Variants in NCKAP5 observed in about 807,000 individuals in gnomAD.
NCKAP5 encodes the protein NCK associated protein 5, also known as nck-associated protein 5.
Under a neutral mutation model 167.0 loss-of-function variants are expected in NCKAP5, and 92 were observed. The observed-to-expected ratio is 0.55, with a 90% CI of 0.47 to 0.66. The LOEUF is 0.66. Among genes scored for constraint, NCKAP5 ranks in the 30% least tolerant of loss-of-function variants. The probability of loss-of-function intolerance (pLI) is 0.00; values close to 1 mark genes in which losing one functional copy is unlikely to be tolerated. For missense variants in NCKAP5, 2,378 were observed against 2,315.0 expected (o/e 1.03, Z -0.56); for synonymous variants, 891 against 877.4 (o/e 1.02, Z -0.27).
At chr2:133,393,508 A>T (rs1687551126) in intron 3 of NCKAP5, among the ~76,000 whole-genome samples, 2 of 152,244 alleles carry the variant, frequency 1.3e-5, no homozygotes, top group Non-Finnish European at 2.9e-5. Context: ...AAAAGCAAGC[A>T]TGTTTCAACT....
chr2:132,969,836 T>C (rs1573588169), intron 7 of NCKAP5, among the ~76,000 whole-genome samples: 1 of 152,350 alleles, frequency 6.6e-6, no homozygotes, highest in East Asian at 1.9e-4. Context: ...AAGGCATACT[T>C]GCCTGTGCTC....
chr2:133,351,901 T>C (rs560002772), intron 3 of NCKAP5, among the ~76,000 whole-genome samples: 19 of 152,300 alleles, frequency 1.2e-4, no homozygotes, highest in African/African-American at 4.3e-4. Flanking sequence ...GCCTCTCTTC[T>C]CTAGCCTTTG....
At chr2:133,539,569 A>C (rs539668136) in intron 2 of NCKAP5, among the ~76,000 whole-genome samples, 1 of 152,328 alleles carries the variant, frequency 6.6e-6, no homozygotes, top group East Asian at 1.9e-4. Context: ...ATACAAGAAC[A>C]GGCAAATAAG....
chr2:132,878,734 AG>A, intron 9 of NCKAP5, 113 bp downstream of exon 9: 1 of 797,278 alleles, frequency 1.3e-6, no homozygotes, highest in South Asian at 1.5e-5. Context: ...ATTTCTTTGG[AG>A]GAGAAAATGC....
At chr2:133,659,500 G>T in the NCKAP5 span, among the ~76,000 whole-genome samples, 1 of 152,032 alleles carries the variant, frequency 6.6e-6, no homozygotes, top group Non-Finnish European at 1.5e-5. Flanking sequence ...AGAGAAATTG[G>T]ACTTAATTAA....
chr2:133,178,845 A>C (rs1172405904), intron 5 of NCKAP5, among the ~76,000 whole-genome samples: 6 of 151,038 alleles, frequency 4.0e-5, no homozygotes, highest in Admixed American at 6.6e-5. Context: ...AAAAAAAAAA[A>C]AAAAAAAACC....
chr2:133,120,121 C>T (rs2082205201), intron 6 of NCKAP5, among the ~76,000 whole-genome samples: 1 of 152,178 alleles, frequency 6.6e-6, no homozygotes, highest in Non-Finnish European at 1.5e-5. Flanking sequence ...TCAGTTGTTA[C>T]TCCTGCAAAT....
intron 3 of NCKAP5, among the ~76,000 whole-genome samples, chr2:133,498,464 A>AAGGAAGGT (rs1559528936): frequency 2.2e-5 from 3 of 139,132 alleles, no homozygotes; most frequent in Non-Finnish European, 4.6e-5. Context: ...GGAAGGAAGG[A>AAGGAAGGT]AGGAAGGAAG....
chr2:133,459,684 A>G (rs1204969391), intron 3 of NCKAP5, among the ~76,000 whole-genome samples: 2 of 152,166 alleles, frequency 1.3e-5, no homozygotes, highest in Admixed American at 1.3e-4. Flanking sequence ...TGTTGACCTG[A>G]TAAAGGCCTA....
intron 4 of NCKAP5, among the ~76,000 whole-genome samples, chr2:133,246,905 G>A (rs1418462435): frequency 6.6e-6 from 1 of 152,096 alleles, no homozygotes; most frequent in African/African-American, 2.4e-5. Context: ...TTCAGCCTTA[G>A]GATTATTTAC....
At chr2:132,790,776 G>T (rs935735050) in intron 12 of NCKAP5, among the ~76,000 whole-genome samples, 12 of 152,224 alleles carry the variant, frequency 7.9e-5, no homozygotes, top group Admixed American at 4.6e-4. Context: ...ATCTTATAGG[G>T]TTATTGCAAG....
intron 3 of NCKAP5, among the ~76,000 whole-genome samples, chr2:133,440,506 C>G (rs1490347748): frequency 6.6e-6 from 1 of 151,710 alleles, no homozygotes; most frequent in Admixed American, 6.6e-5. Context: ...GTCAGGAGAT[C>G]GAGACCATCC....
chr2:133,330,740 A>T (rs1008150873), intron 3 of NCKAP5, among the ~76,000 whole-genome samples: 5 of 151,974 alleles, frequency 3.3e-5, no homozygotes, highest in African/African-American at 9.7e-5. Context: ...AACTAAAATT[A>T]AAAAAATTAG....
intron 6 of NCKAP5, among the ~76,000 whole-genome samples, chr2:133,071,880 T>A (rs2080418882): frequency 6.6e-6 from 1 of 152,176 alleles, no homozygotes. Flanking sequence ...CCAACCTACC[T>A]GTTTCAGATC....
intron 11 of NCKAP5, among the ~76,000 whole-genome samples, chr2:132,846,109 T>A (rs1485647605): frequency 6.6e-6 from 1 of 152,156 alleles, no homozygotes; most frequent in Non-Finnish European, 1.5e-5. Context: ...TATCGGCTCT[T>A]GCGTGTTTTT....
rs187841454 is a variant in NCKAP5 at position 132,775,646 on chromosome 2, G to A, written c.5050-1752C>T. ...GGAAACACACTGTGAGTATGAGAAA[G>A]ACCAAAGTACTACTTATTTGCCTTC... On this transcript the variant is annotated intron_variant, in intron 15 of 19. Coordinates refer to ENST00000409261, the MANE Select transcript of NCKAP5 (RefSeq NM_207363.3). 5.3e-4 allele frequency among the ~76,000 whole-genome samples: 81 copies of A among 152,350 alleles called. No homozygotes were observed. The South Asian group carries it at 5.8e-3, about 11-fold the overall frequency.
chr2:133,466,994 C>A (rs1304848760), intron 3 of NCKAP5, among the ~76,000 whole-genome samples: 3 of 151,850 alleles, frequency 2.0e-5, no homozygotes, highest in Non-Finnish European at 2.9e-5. Context: ...AATTGAATAC[C>A]CTTTATTTCC....
At chr2:133,091,119 G>A (rs1216400902) in intron 6 of NCKAP5, among the ~76,000 whole-genome samples, 2 of 151,996 alleles carry the variant, frequency 1.3e-5, no homozygotes, top group Non-Finnish European at 2.9e-5. Flanking sequence ...TTCCCCTTCT[G>A]CCATGATTGT....
At chr2:133,443,757 T>C (rs1229243493) in intron 3 of NCKAP5, among the ~76,000 whole-genome samples, 1 of 152,190 alleles carries the variant, frequency 6.6e-6, no homozygotes, top group Non-Finnish European at 1.5e-5. Flanking sequence ...CTGTTTTCTC[T>C]ACTGGAAGAG....
Sources: allele counts gnomAD v4.1 joint callset (sites outside exome capture counted in the v4.1 genomes callset), GRCh38; gene constraint gnomAD v4.1.1; transcripts MANE v1.5; gene names NCBI Gene and HGNC (gene_info 2026-07-23, HGNC 2026-07-21).